Variants in MYO16 observed in about 807,000 individuals in gnomAD.
MYO16 encodes the protein myosin XVI, also known as unconventional myosin-XVI.
A neutral mutation model predicts 205.3 loss-of-function variants in MYO16; 94 were observed. That is an observed-to-expected ratio of 0.46 (90% CI 0.39 to 0.54). MYO16 has a LOEUF of 0.54. Ranked by LOEUF, MYO16 falls within the 20% of genes least tolerant of loss-of-function variation. The probability of loss-of-function intolerance (pLI) is 0.00; values close to 1 mark genes in which losing one functional copy is unlikely to be tolerated. For missense variants in MYO16, 2,315 were observed against 2,387.5 expected (o/e 0.97, Z 0.63); for synonymous variants, 988 against 954.0 (o/e 1.04, Z -0.66).
intron 32 of MYO16, among the ~76,000 whole-genome samples, chr13:109,160,984 C>T (rs1000850241): frequency 6.6e-6 from 1 of 152,162 alleles, no homozygotes; most frequent in Non-Finnish European, 1.5e-5. Flanking sequence ...CCCAACCATC[C>T]AGAGTTTCTG....
At chr13:108,997,408 G>GAGGACAGGAA (rs1885063294) in intron 21 of MYO16, among the ~76,000 whole-genome samples, 1 of 84,148 alleles carries the variant, frequency 1.2e-5, no homozygotes, top group Admixed American at 1.4e-4. Context: ...GGGAGAGTGG[G>GAGGACAGGAA]AGGAAAGGAA....
intron 1 of MYO16, among the ~76,000 whole-genome samples, chr13:108,630,127 T>C (rs150464730): frequency 5.5e-5 from 8 of 144,954 alleles, no homozygotes; most frequent in South Asian, 2.3e-4. Flanking sequence ...AAATGATTCA[T>C]AGACACAGCA....
At chr13:108,691,275 G>A (rs1034662059) in intron 2 of MYO16, among the ~76,000 whole-genome samples, 1 of 151,810 alleles carries the variant, frequency 6.6e-6, no homozygotes, top group Non-Finnish European at 1.5e-5. Flanking sequence ...TTACACAAAG[G>A]ATTTATTTGT....
At chr13:108,722,988 C>T (rs1884217736) in intron 3 of MYO16, among the ~76,000 whole-genome samples, 1 of 152,042 alleles carries the variant, frequency 6.6e-6, no homozygotes, top group African/African-American at 2.4e-5. Flanking sequence ...TACTTGAATC[C>T]TAATAATGGT....
At chr13:108,633,883 C>A (rs1230870408) in intron 1 of MYO16, among the ~76,000 whole-genome samples, 7 of 152,200 alleles carry the variant, frequency 4.6e-5, no homozygotes, top group African/African-American at 1.7e-4. Flanking sequence ...AGAAGCTGCT[C>A]CCTCCATGTC....
chr13:109,041,530 A>C (rs1445613584), intron 23 of MYO16, among the ~76,000 whole-genome samples: 1 of 152,210 alleles, frequency 6.6e-6, no homozygotes, highest in East Asian at 1.9e-4. Context: ...ACAGAAATAG[A>C]ACCACACAAA....
At chr13:108,568,250 A>T in the MYO16 span, among the ~76,000 whole-genome samples, 1 of 152,170 alleles carries the variant, frequency 6.6e-6, no homozygotes, top group Admixed American at 6.5e-5. Context: ...TGATAACTCC[A>T]ATTTTAACAT....
At chr13:109,113,953 C>T (rs1246120073) in intron 28 of MYO16, among the ~76,000 whole-genome samples, 1 of 152,040 alleles carries the variant, frequency 6.6e-6, no homozygotes, top group African/African-American at 2.4e-5. Flanking sequence ...GGTATGGACT[C>T]GGGGATAAGA....
chr13:109,033,976 C>T (rs1466337242), intron 23 of MYO16, among the ~76,000 whole-genome samples: 2 of 152,166 alleles, frequency 1.3e-5, no homozygotes, highest in African/African-American at 4.8e-5. Context: ...GTAGCCCTAT[C>T]TGGAAGGCCA....
At chr13:108,868,370 G>A (rs1175564528) in intron 12 of MYO16, among the ~76,000 whole-genome samples, 2 of 152,010 alleles carry the variant, frequency 1.3e-5, no homozygotes. Context: ...GTGTTTCTCT[G>A]ACAGACAATG....
chr13:108,567,309 T>G, the MYO16 span, among the ~76,000 whole-genome samples: 1 of 152,160 alleles, frequency 6.6e-6, no homozygotes, highest in African/African-American at 2.4e-5. Flanking sequence ...GAGAGAAATA[T>G]AGATACTAAC....
rs1887063540 is a variant in MYO16 at position 109,046,922 on chromosome 13, T to C, written c.2803T>C (p.Tyr935His). 6.2e-7 allele frequency: 1 copy of C among 1,605,142 alleles called. No homozygotes were observed. Among genetic ancestry groups the C allele is most frequent in the Non-Finnish European group, 8.5e-7 (1 of 1,172,168 alleles). ...CTGCTTTCTTTTATTCTAGGTAATG[T>C]ATGATGTTGTTGGGGCGATTGAAAA... ...TIMHYAGRVM[Y>H]DVVGAIEKNK... Residue 935 changes from tyrosine to histidine, a missense_variant, in exon 24 of 35, where the codon TAT becomes CAT. This residue lies in a region of MYO16 where 1,213 missense variants were observed against 1,274.4 expected (regional missense o/e 0.95). Coordinates refer to ENST00000457511, the MANE Select transcript of MYO16 (RefSeq NM_001198950.3).
Position 109,201,491 on chromosome 13 carries a change from C to CAAAAAAAAAAAAAAA in MYO16, c.5416-5111_5416-5097dup, listed in dbSNP as rs3042152. The CAAAAAAAAAAAAAAA allele has an allele frequency of 1.4e-3, 140 of 97,360 alleles. 8 individuals are homozygous for CAAAAAAAAAAAAAAA. Among genetic ancestry groups the CAAAAAAAAAAAAAAA allele is most frequent in the African/African-American group, 5.5e-3 (137 of 24,772 alleles). The allele number at this position is 97,360 out of a possible 1,614,324, so 6.0% of individuals were successfully genotyped here. On this transcript the variant is annotated intron_variant, in intron 34 of 34. Coordinates refer to ENST00000457511, the MANE Select transcript of MYO16 (RefSeq NM_001198950.3). ...TTCCATCTGGAATCATCGTCTTCTA[C>CAAAAAAAAAAAAAAA]AAAAAAAAAAAAAAAAAAAAATCTT...
chr13:109,041,050 A>G lies in MYO16; in HGVS notation c.2797-5866A>G, dbSNP rs138903277. On this transcript the variant is annotated intron_variant, in intron 23 of 34. Coordinates refer to ENST00000457511, the MANE Select transcript of MYO16 (RefSeq NM_001198950.3). ...CACAAGATAAACATTCAAAAAATCAATTGTATTTCTGTATACTAGCAATGG... is the reference window on the plus strand; with the variant it reads ...CACAAGATAAACATTCAAAAAATCAGTTGTATTTCTGTATACTAGCAATGG... 1.7e-3 allele frequency among the ~76,000 whole-genome samples: 265 copies of G among 152,300 alleles called. 1 individual carries two copies. Among genetic ancestry groups the G allele is most frequent in the Non-Finnish European group, 3.3e-3 (222 of 68,008 alleles).
At chr13:109,150,590 G>A (rs767365460) in intron 32 of MYO16, among the ~76,000 whole-genome samples, 24 of 152,096 alleles carry the variant, frequency 1.6e-4, no homozygotes, top group Non-Finnish European at 2.2e-4. Flanking sequence ...CGTATCTAGC[G>A]TAAAGAGGTT....
At chr13:109,109,330 A>C (rs1008263337) in intron 28 of MYO16, among the ~76,000 whole-genome samples, 5 of 152,212 alleles carry the variant, frequency 3.3e-5, no homozygotes, top group African/African-American at 1.2e-4. Flanking sequence ...CACAAGGAGA[A>C]GGTGTGTTTA....
upstream of MYO16, among the ~76,000 whole-genome samples, chr13:108,592,706 C>T (rs889317762): frequency 6.3e-5 from 6 of 95,076 alleles, no homozygotes; most frequent in Admixed American, 2.1e-4. Flanking sequence ...TTGTGGGGTA[C>T]GTGTGGTGTG....
rs561399913 is a variant in MYO16 at position 109,141,442 on chromosome 13, A to C, written c.5164+66A>C. ...GCTGTGCTTGCGTGCACCTGTGTAC[A>C]TCCGTGTCTGCGCAGATGTGAAATA... is the stretch of plus-strand genomic sequence containing the variant. On this transcript the variant is annotated intron_variant, in intron 32 of 34. Coordinates refer to ENST00000457511, the MANE Select transcript of MYO16 (RefSeq NM_001198950.3). The surrounding 1 kb of genome is among the most constrained non-coding windows in gnomAD (Gnocchi z 4.1). 3.7e-6 allele frequency: 4 copies of C among 1,091,694 alleles called. No individual in the cohort carries two copies. Among genetic ancestry groups the C allele is most frequent in the Non-Finnish European group, 5.0e-6 (4 of 804,006 alleles). 67.6% of individuals were successfully genotyped at this position (1,091,694 alleles called of 1,614,324 possible). A position where few individuals can be genotyped will look rare whatever the true frequency, so the allele number is the denominator to read the frequency against.
chr13:108,921,866 G>A (rs1019686289), intron 16 of MYO16, among the ~76,000 whole-genome samples: 2 of 152,248 alleles, frequency 1.3e-5, no homozygotes, highest in African/African-American at 2.4e-5. Flanking sequence ...TAGGCCAGGA[G>A]TAGCCTCAGA....
Sources: allele counts gnomAD v4.1 joint callset (sites outside exome capture counted in the v4.1 genomes callset), GRCh38; gene constraint gnomAD v4.1.1; regional missense constraint gnomAD v4.1.1; non-coding constraint Gnocchi (gnomAD v3.1); transcripts MANE v1.5; gene names NCBI Gene and HGNC (gene_info 2026-07-23, HGNC 2026-07-21).